Variants in SLC6A3 observed in about 807,000 individuals in gnomAD.
The protein encoded by SLC6A3 is solute carrier family 6 member 3.
In SLC6A3, 19 loss-of-function variants were observed where a neutral mutation model predicts 70.4. That is an observed-to-expected ratio of 0.27 (90% CI 0.19 to 0.40). SLC6A3 has a LOEUF of 0.40. Among genes scored for constraint, SLC6A3 ranks in the 10% least tolerant of loss-of-function variants. SLC6A3 has a pLI of 1.00. For missense variants in SLC6A3, 613 were observed against 838.5 expected (o/e 0.73, Z 3.32); for synonymous variants, 368 against 356.6 (o/e 1.03, Z -0.36).
intron 3 of SLC6A3, among the ~76,000 whole-genome samples, chr5:1,434,980 G>C (rs1457158937): frequency 6.6e-6 from 1 of 152,172 alleles, no homozygotes; most frequent in African/African-American, 2.4e-5. Flanking sequence ...TGCTGCCTTT[G>C]GAAGGTCTTC....
chr5:1,409,144 T>G lies in SLC6A3; in HGVS notation c.1399-19A>C, dbSNP rs373232140. On this transcript the variant is annotated intron_variant, in intron 10 of 14. Coordinates refer to ENST00000270349, the MANE Select transcript of SLC6A3 (RefSeq NM_001044.5). ...TGCCACCCTGGAAGAGAGGGGAGCCTGTGGACCTACAGAAGGGCTTTCCCC... is the reference window on the plus strand; with the variant it reads ...TGCCACCCTGGAAGAGAGGGGAGCCGGTGGACCTACAGAAGGGCTTTCCCC... 6.4e-7 allele frequency: 1 copy of G among 1,571,578 alleles called. No individual in the cohort carries two copies. Among genetic ancestry groups the G allele is most frequent in the African/African-American group, 1.4e-5 (1 of 73,904 alleles).
chr5:1,428,706 A>G (rs1181788683), intron 4 of SLC6A3, among the ~76,000 whole-genome samples: 1 of 152,198 alleles, frequency 6.6e-6, no homozygotes, highest in African/African-American at 2.4e-5. Context: ...GCCAACCCTG[A>G]GGAACACTGG....
intron 8 of SLC6A3, 144 bp downstream of exon 8, chr5:1,414,547 T>C (rs900636267): frequency 1.9e-5 from 18 of 966,338 alleles, no homozygotes; most frequent in South Asian, 1.1e-4. Flanking sequence ...TGTACCACCA[T>C]CCTTCAAGAG....
chr5:1,436,189 C>T lies in SLC6A3; in HGVS notation c.419-3491G>A, dbSNP rs904046987. 1.3e-5 allele frequency among the ~76,000 whole-genome samples: 2 copies of T among 152,244 alleles called. No individual in the cohort carries two copies. The highest frequency in any genetic ancestry group is 2.4e-5 in the African/African-American group (1 of 41,458). On this transcript the variant is annotated intron_variant, in intron 3 of 14. Transcript: ENST00000270349. The surrounding 1 kb of genome is among the most constrained non-coding windows in gnomAD (Gnocchi z 5.2). ...CCCTGCCCTTCAGGAAGGCAGAGCC[C>T]GTGACCTGGGCCACTGACGTGTAGC...
rs953228619 is a variant in SLC6A3 at position 1,404,732 on chromosome 5, T to C, written c.1599+1456A>G. 6.6e-6 allele frequency among the ~76,000 whole-genome samples: 1 copy of C among 152,264 alleles called. No individual in the cohort carries two copies. The highest frequency in any genetic ancestry group is 2.4e-5 in the African/African-American group (1 of 41,474). ...ACTTCATAGGAATTGTGCTGTCATA[T>C]TAAATACAAAATGACATAGAGCAAT... On this transcript the variant is annotated intron_variant, in intron 12 of 14. Coordinates refer to ENST00000270349, the MANE Select transcript of SLC6A3 (RefSeq NM_001044.5). The surrounding 1 kb of genome is among the most constrained non-coding windows in gnomAD (Gnocchi z 5.2).
In SLC6A3 at chr5:1,421,598, C is replaced by G. The variant is rs1392033804; in HGVS notation, c.792+278G>C. On this transcript the variant is annotated intron_variant, in intron 5 of 14. Transcript: ENST00000270349. This position sits in a 1 kb window ranked among gnomAD's most constrained non-coding sequence, Gnocchi z 7.2. ...GCCCAGCCCAGCCACGGCCACGTGT[C>G]CCCCCACCCACCCATGGCCGCGCGT... is the stretch of plus-strand genomic sequence containing the variant. 6.6e-6 allele frequency among the ~76,000 whole-genome samples: 1 copy of G among 152,070 alleles called. No individual in the cohort carries two copies. The highest frequency in any genetic ancestry group is 2.4e-5 in the African/African-American group (1 of 41,396).
intron 4 of SLC6A3, among the ~76,000 whole-genome samples, chr5:1,430,580 G>A (rs915471777): frequency 7.2e-5 from 11 of 152,194 alleles, no homozygotes; most frequent in African/African-American, 1.9e-4. Flanking sequence ...CGGCCTGCCC[G>A]AAGGCTCCAT....
At chr5:1,395,795 C>T (rs1296126521) in intron 14 of SLC6A3, among the ~76,000 whole-genome samples, 3 of 152,250 alleles carry the variant, frequency 2.0e-5, no homozygotes, top group Admixed American at 1.3e-4. Flanking sequence ...GCTGTGAGTC[C>T]TGTTCCCCCC....
intron 4 of SLC6A3, among the ~76,000 whole-genome samples, chr5:1,426,516 T>G (rs1022702871): frequency 3.3e-5 from 5 of 152,156 alleles, no homozygotes; most frequent in African/African-American, 1.2e-4. Context: ...CACTCCAGCC[T>G]GGACAACAGA....
chr5:1,424,643 C>T (rs1308712796), intron 4 of SLC6A3, among the ~76,000 whole-genome samples: 1 of 152,256 alleles, frequency 6.6e-6, no homozygotes, highest in African/African-American at 2.4e-5. Context: ...CACAGGCCCT[C>T]CTGGACCAGA....
At chr5:1,419,038 C>T (rs1756374534) in intron 6 of SLC6A3, among the ~76,000 whole-genome samples, 1 of 150,756 alleles carries the variant, frequency 6.6e-6, no homozygotes, top group Admixed American at 6.6e-5. Flanking sequence ...ATCCATCCAC[C>T]CATCCATCCC....
chr5:1,422,886 C>T (rs1250268534), intron 4 of SLC6A3, among the ~76,000 whole-genome samples: 3 of 82,220 alleles, frequency 3.6e-5, no homozygotes, highest in African/African-American at 1.1e-4. Flanking sequence ...GGGTGCCCAC[C>T]GCTGCCCACA....
rs955063370 is a variant in SLC6A3 at position 1,437,110 on chromosome 5, G to A, written c.418+4249C>T. On this transcript the variant is annotated intron_variant, in intron 3 of 14. Transcript: ENST00000270349. The surrounding 1 kb of genome is among the most constrained non-coding windows in gnomAD (Gnocchi z 4.8). ...ACTAAAAATACAAAAAATTAGCGGG[G>A]CGTGGTGGCACGCACCTGTAGCCCC... 6.6e-6 allele frequency among the ~76,000 whole-genome samples: 1 copy of A among 152,116 alleles called. No homozygotes were observed. The highest frequency in any genetic ancestry group is 2.4e-5 in the African/African-American group (1 of 41,426).
rs180824164 is a variant in SLC6A3 at position 1,436,759 on chromosome 5, G to A, written c.419-4061C>T. Among the ~76,000 whole-genome samples the A allele has an allele frequency of 2.0e-4, 31 of 152,284 alleles. No individual in the cohort carries two copies. The highest frequency in any genetic ancestry group is 1.4e-3 in the East Asian group (7 of 5,176). ...GACAAACAGAAGCTGGCTGAGGGTC[G>A]TGCCTGCAAATGGTGCTTCGCCCAC... On this transcript the variant is annotated intron_variant, in intron 3 of 14. Transcript: ENST00000270349. The surrounding 1 kb of genome is among the most constrained non-coding windows in gnomAD (Gnocchi z 5.2).
intron 3 of SLC6A3, among the ~76,000 whole-genome samples, chr5:1,433,719 T>C (rs1756762268): frequency 7.4e-6 from 1 of 135,140 alleles, no homozygotes. Flanking sequence ...CTATCCATGG[T>C]CATCCATAGC....
rs978260052 is a variant in SLC6A3 at position 1,396,670 on chromosome 5, C to T, written c.1840-1912G>A. On this transcript the variant is annotated intron_variant, in intron 14 of 14. Coordinates refer to ENST00000270349, the MANE Select transcript of SLC6A3 (RefSeq NM_001044.5). This position sits in a 1 kb window ranked among gnomAD's most constrained non-coding sequence, Gnocchi z 7.0. ...TGAATGAGGAGGCTGGGGAGAGATC[C>T]GCCGACAGGACCAGAGGGAACCACC... Among the ~76,000 whole-genome samples, 2 of 152,112 alleles carry T rather than the reference C, an allele frequency of 1.3e-5. No homozygotes were observed. The highest frequency in any genetic ancestry group is 4.8e-5 in the African/African-American group (2 of 41,412).
intron 2 of SLC6A3, among the ~76,000 whole-genome samples, chr5:1,441,940 C>T (rs574514146): frequency 6.2e-4 from 94 of 152,294 alleles, no homozygotes; most frequent in African/African-American, 2.1e-3. Flanking sequence ...GCTTCTGGGG[C>T]CCTCAGAGGC....
rs941146748 is a variant in SLC6A3, at chr5:1,413,417, G to A, written c.1156+1274C>T. 1.3e-5 allele frequency among the ~76,000 whole-genome samples: 2 copies of A among 152,156 alleles called. No individual in the cohort carries two copies. The highest frequency in any genetic ancestry group is 1.9e-4 in the East Asian group (1 of 5,188). On this transcript the variant is annotated intron_variant, in intron 8 of 14. Coordinates refer to ENST00000270349, the MANE Select transcript of SLC6A3 (RefSeq NM_001044.5). This position sits in a 1 kb window ranked among gnomAD's most constrained non-coding sequence, Gnocchi z 7.1. The stretch of plus-strand genomic sequence containing the variant: ...CTGAGCGTGTTCCTACCTGCGGTGC[G>A]AGGGTCCTAGTGCCCCACTCTGTGA...
intron 6 of SLC6A3, chr5:1,416,596 A>G: frequency 2.7e-6 from 1 of 363,904 alleles, no homozygotes; most frequent in Non-Finnish European, 5.3e-6. Flanking sequence ...ACATGACCAC[A>G]GTGTCCTAAT....
Sources: allele counts gnomAD v4.1 joint callset (sites outside exome capture counted in the v4.1 genomes callset), GRCh38; gene constraint gnomAD v4.1.1; non-coding constraint Gnocchi (gnomAD v3.1); transcripts MANE v1.5; gene names NCBI Gene and HGNC (gene_info 2026-07-23, HGNC 2026-07-21).